The following CMKLR2 variants were observed in gnomAD, a reference collection of about 807,000 sequenced individuals.
CMKLR2 encodes the protein chemerin chemokine-like receptor 2.
A neutral mutation model predicts 23.0 loss-of-function variants in CMKLR2; 18 were observed. That is an observed-to-expected ratio of 0.78 (90% confidence interval 0.54 to 1.16). The LOEUF (loss-of-function observed/expected upper bound fraction) is 1.16. Ranked by LOEUF, CMKLR2 falls within the 50% of genes most tolerant of loss-of-function variation. The pLI is 0.00. For synonymous variants in CMKLR2, 158 were observed against 158.9 expected, an observed-to-expected ratio of 0.99 and a Z score of 0.05; for missense variants, 401 against 412.7, an observed-to-expected ratio of 0.97 and a Z score of 0.25.
chr2:206,177,023 C>G lies in CMKLR2; in HGVS notation c.225G>C (p.Trp75Cys), dbSNP rs774826672. The G allele has an allele frequency of 5.0e-6, 8 of 1,614,030 alleles. No homozygotes were observed. The African/African-American group carries it at 1.1e-4, about 22-fold the overall frequency. The change falls in exon 2 of 2, where the codon TGG becomes TGC. Residue 75 changes from tryptophan (W) to cysteine (C), a missense_variant. Physicochemically the swap from Trp to Cys is radical, Grantham distance 215. Coordinates refer to ENST00000621141, the MANE Select transcript of CMKLR2 (RefSeq NM_001389445.1). ...FKWKKTVTTL[W>C]FLNLAIADFI... The stretch of plus-strand genomic sequence containing the variant: ...AATCCGCAATGGCTAGATTGAGGAA[C>G]CACAGAGTGGTGACTGTCTTCTTCC...
intron 1 of CMKLR2, among the ~76,000 whole-genome samples, chr2:206,178,577 A>G (rs548678488): frequency 2.0e-5 from 3 of 152,326 alleles, no homozygotes; most frequent in Admixed American, 2.0e-4. Flanking sequence ...ATCTTATTGA[A>G]ATAATTCTTT....
At chr2:206,204,249 G>A (rs1380539153) in intron 1 of CMKLR2, among the ~76,000 whole-genome samples, 1 of 151,170 alleles carries the variant, frequency 6.6e-6, no homozygotes, top group African/African-American at 2.4e-5. Context: ...AGCTACTCGG[G>A]AGGCTGAGGC....
chr2:206,206,145 G>C (rs1689309335), intron 1 of CMKLR2, among the ~76,000 whole-genome samples: 1 of 152,140 alleles, frequency 6.6e-6, no homozygotes, highest in African/African-American at 2.4e-5. Context: ...TCCAGAACAA[G>C]GAGTCTCTCC....
At chr2:206,178,168 G>A (rs890888742) in intron 1 of CMKLR2, among the ~76,000 whole-genome samples, 21 of 152,124 alleles carry the variant, frequency 1.4e-4, no homozygotes, top group African/African-American at 4.8e-4. Flanking sequence ...AGGAGGCCAA[G>A]GCAAGAGGAT....
At chr2:206,212,252 T>C (rs1430557611) in intron 1 of CMKLR2, among the ~76,000 whole-genome samples, 1 of 152,196 alleles carries the variant, frequency 6.6e-6, no homozygotes, top group African/African-American at 2.4e-5. Flanking sequence ...ATAAACTAAA[T>C]GACTTAAATC....
chr2:206,217,416 C>T (rs1205420931), upstream of CMKLR2: 2 of 152,188 alleles, frequency 1.3e-5, no homozygotes, highest in South Asian at 2.1e-4. Flanking sequence ...GCAACCCAGC[C>T]ATACAGGGAC....
At chr2:206,177,377 C>T (rs1688267525) in intron 1 of CMKLR2, 102 bp from the exon 2 acceptor site, 1 of 627,060 alleles carries the variant, frequency 1.6e-6, no homozygotes, top group South Asian at 2.2e-5. Flanking sequence ...AGGTTATGGA[C>T]CAGACATAGT....
At chr2:206,205,994 T>C (rs995015809) in intron 1 of CMKLR2, among the ~76,000 whole-genome samples, 2 of 152,124 alleles carry the variant, frequency 1.3e-5, no homozygotes, top group African/African-American at 4.8e-5. Context: ...CCACTGCGCC[T>C]GGCCTGTTTG....
intron 1 of CMKLR2, among the ~76,000 whole-genome samples, chr2:206,211,291 G>A (rs1250368181): frequency 6.6e-6 from 1 of 152,130 alleles, no homozygotes; most frequent in African/African-American, 2.4e-5. Flanking sequence ...CACTTAACAT[G>A]GAGGAACTAT....
chr2:206,201,847 T>C (rs1416807312), intron 1 of CMKLR2, among the ~76,000 whole-genome samples: 1 of 151,974 alleles, frequency 6.6e-6, no homozygotes, highest in Admixed American at 6.6e-5. Flanking sequence ...AGAAACTATA[T>C]CATGTGAGGA....
Position 206,176,090 on chromosome 2 carries a change from C to A in CMKLR2, c.*90G>T. The A allele has an allele frequency of 1.1e-6, 1 of 916,312 alleles. No individual in the cohort carries two copies. The highest frequency in any genetic ancestry group is 1.6e-6 in the Non-Finnish European group (1 of 613,004). The allele number at this position is 916,312 out of a possible 1,614,324, so 56.8% of individuals were successfully genotyped here. A position where few individuals can be genotyped will look rare whatever the true frequency, so the allele number is the denominator to read the frequency against. Reference sequence around the variant, plus strand: ...ACAATAACTATGAAAGTGGAGTCGGCTCTCTATCTTGGAAACAATTTTAAT... The same window carrying A: ...ACAATAACTATGAAAGTGGAGTCGGATCTCTATCTTGGAAACAATTTTAAT... On this transcript the variant is annotated 3_prime_UTR_variant, in exon 2 of 2. Coordinates refer to ENST00000621141, the MANE Select transcript of CMKLR2 (RefSeq NM_001389445.1).
chr2:206,207,530 T>C (rs1043452412), intron 1 of CMKLR2, among the ~76,000 whole-genome samples: 1 of 152,086 alleles, frequency 6.6e-6, no homozygotes, highest in African/African-American at 2.4e-5. Context: ...ACTTAACACA[T>C]ATAGTAATAC....
chr2:206,208,015 C>T lies in CMKLR2; in HGVS notation c.-29+5292G>A, dbSNP rs146766204. Among the ~76,000 whole-genome samples the T allele has an allele frequency of 6.8e-3, 1,033 of 152,138 alleles. 17 individuals carry two copies. The highest frequency in any genetic ancestry group is 0.024 in the African/African-American group (976 of 41,492). ...TCGGCCCCTCAAAGTGCTGGGATTA[C>T]AGACGTAAGCCACCACACCCAGGCA... On this transcript the variant is annotated intron_variant, in intron 1 of 1. Transcript: ENST00000621141.
At chr2:206,193,319 G>A (rs1688811727) in intron 1 of CMKLR2, among the ~76,000 whole-genome samples, 1 of 152,174 alleles carries the variant, frequency 6.6e-6, no homozygotes, top group Non-Finnish European at 1.5e-5. Flanking sequence ...GGCTGGCCTT[G>A]AAATCCTGAC....
At chr2:206,210,596 T>C (rs1187512952) in intron 1 of CMKLR2, among the ~76,000 whole-genome samples, 1 of 151,910 alleles carries the variant, frequency 6.6e-6, no homozygotes, top group Non-Finnish European at 1.5e-5. Context: ...GTAGCTGGGG[T>C]TACAGGCATG....
upstream of CMKLR2, among the ~76,000 whole-genome samples, chr2:206,216,327 A>T (rs1201761064): frequency 6.6e-6 from 1 of 152,090 alleles, no homozygotes; most frequent in Non-Finnish European, 1.5e-5. Context: ...GGTGGCGTGC[A>T]CCTGTAGTCC....
chr2:206,204,340 C>A (rs761534436), intron 1 of CMKLR2, among the ~76,000 whole-genome samples: 11 of 121,394 alleles, frequency 9.1e-5, no homozygotes, highest in African/African-American at 3.2e-4. Flanking sequence ...GGCGACAGAG[C>A]GAGACTCCAT....
chr2:206,214,507 G>A (rs1689685729), upstream of CMKLR2, among the ~76,000 whole-genome samples: 1 of 152,102 alleles, frequency 6.6e-6, no homozygotes, highest in African/African-American at 2.4e-5. Flanking sequence ...ACCTGAGGCA[G>A]GACTCAGAAT....
In CMKLR2 at chr2:206,186,788, CTT is replaced by C. The variant is rs532845990; in HGVS notation, c.-28-9515_-28-9514del. ...GGTGCTGCTGGTAAGACTCTGCTGCCTTTTTTTTTTTTTTTTTTTAAGACAGG... is the reference window on the plus strand; with the variant it reads ...GGTGCTGCTGGTAAGACTCTGCTGCCTTTTTTTTTTTTTTTTTAAGACAGG... On this transcript the variant is annotated intron_variant, in intron 1 of 1. Coordinates refer to ENST00000621141, the MANE Select transcript of CMKLR2 (RefSeq NM_001389445.1). Among the ~76,000 whole-genome samples the C allele has an allele frequency of 2.6e-3, 333 of 129,250 alleles. 1 individual carries two copies. Among genetic ancestry groups the C allele is most frequent in the African/African-American group, 7.2e-3 (254 of 35,274 alleles). 84.8% of individuals were successfully genotyped at this position (129,250 alleles called of 152,430 possible).
Sources: allele counts gnomAD v4.1 joint callset (sites outside exome capture counted in the v4.1 genomes callset), GRCh38; gene constraint gnomAD v4.1.1; transcripts MANE v1.5; gene names NCBI Gene and HGNC (gene_info 2026-07-23, HGNC 2026-07-21).